SMG9: variants seen among roughly 807,000 people sequenced by gnomAD.
SMG9 encodes the protein nonsense-mediated mRNA decay factor SMG9.
Under a neutral mutation model 64.0 loss-of-function variants are expected in SMG9, and 55 were observed. The observed-to-expected ratio is 0.86, with a 90% CI of 0.69 to 1.08. SMG9 has a LOEUF of 1.08. Ranked by LOEUF, SMG9 falls within the 50% of genes least tolerant of loss-of-function variation. SMG9 has a pLI of 0.00. For synonymous variants in SMG9, 244 were observed against 254.8 expected (o/e 0.96, Z 0.41); for missense variants, 554 against 681.3 (o/e 0.81, Z 2.08).
rs756847841 is a variant in SMG9, at chr19:43,744,843, C to G, written c.630G>C (p.Leu210=). 1 of 1,613,834 alleles carries G rather than the reference C, an allele frequency of 6.2e-7. No homozygotes were observed. The highest frequency in any genetic ancestry group is 8.5e-7 in the Non-Finnish European group (1 of 1,179,922). The change falls in exon 6 of 14, where the codon CTG becomes CTC. Residue 210 remains leucine (L), a synonymous_variant. Transcript: ENST00000270066. The stretch of plus-strand genomic sequence containing the variant: ...TGGACTTGCCTGTCCCCTGGAGGCC[C>G]AGGACACCAACCACCAACACATCAG... ...DQTDVLVVGV[L]GLQGTGKSMV... is the part of the protein sequence containing the mutation.
chr19:43,734,604 G>A, intron 9 of SMG9, 109 bp from the exon 10 acceptor site: 1 of 679,930 alleles, frequency 1.5e-6, no homozygotes, highest in Admixed American at 2.6e-5. Context: ...GCCATGCTCA[G>A]AAAAATACCA....
Position 43,732,900 on chromosome 19 carries a change from G to A in SMG9, c.1442C>T (p.Ala481Val), listed in dbSNP as rs763529631. ...SKLRSQVMSM[A>V]RPQLSHTILT... is the part of the protein sequence containing the mutation. ...GATCGTGTGTGACAGCTGTGGCCGG[G>A]CCATGGACATCACTTGGCTCCGGAG... Residue 481 changes from alanine to valine, a missense_variant, in exon 13 of 14, where the codon GCC becomes GTC. Ala to Val is a moderately conservative substitution (Grantham distance 64). Coordinates refer to ENST00000270066, the MANE Select transcript of SMG9 (RefSeq NM_019108.4). The A allele has an allele frequency of 6.2e-7, 1 of 1,614,000 alleles. No individual in the cohort carries two copies. Among genetic ancestry groups the A allele is most frequent in the Non-Finnish European group, 8.5e-7 (1 of 1,180,008 alleles).
chr19:43,733,749 G>T lies in SMG9; in HGVS notation c.1103-16C>A. The T allele has an allele frequency of 6.2e-7, 1 of 1,606,408 alleles. No individual in the cohort carries two copies. Among genetic ancestry groups the T allele is most frequent in the Non-Finnish European group, 8.5e-7 (1 of 1,173,388 alleles). On this transcript the variant is annotated splice_polypyrimidine_tract_variant and intron_variant, in intron 10 of 13. Coordinates refer to ENST00000270066, the MANE Select transcript of SMG9 (RefSeq NM_019108.4). ...TGCAAGAAGACTGAGGGTGGGAAGA[G>T]ACGGGCCCTGTCAGGCAGACATCGC...
At position 43,731,001 on chromosome 19, in the gene SMG9, G is replaced by T; in HGVS notation, c.*595C>A. The T allele has an allele frequency of 4.2e-6, 2 of 474,360 alleles. No individual in the cohort carries two copies. Among genetic ancestry groups the T allele is most frequent in the Non-Finnish European group, 5.5e-6 (2 of 362,858 alleles). 29.4% of individuals were successfully genotyped at this position (474,360 alleles called of 1,614,324 possible). On this transcript the variant is annotated 3_prime_UTR_variant, in exon 14 of 14. Transcript: ENST00000270066. Reference sequence around the variant, plus strand: ...CCCATCCAAAACATACACAGGGGAGGCTTGATGCCACCCCAGGAAACAGAA... The same window carrying T: ...CCCATCCAAAACATACACAGGGGAGTCTTGATGCCACCCCAGGAAACAGAA...
At position 43,729,149 on chromosome 19, in the gene SMG9, A is replaced by G. The variant is rs947183299; in HGVS notation, c.*2447T>C. On this transcript the variant is annotated 3_prime_UTR_variant, in exon 14 of 14. Coordinates refer to ENST00000270066, the MANE Select transcript of SMG9 (RefSeq NM_019108.4). ...CTCTGTCAAACTGCCTCAACGAGCC[A>G]GCCCCTGCACAAAACCCTGGAGGTG... 1 of 516,172 alleles carries G rather than the reference A, an allele frequency of 1.9e-6. No homozygotes were observed. The highest frequency in any genetic ancestry group is 2.5e-6 in the Non-Finnish European group (1 of 401,494). The allele number at this position is 516,172 out of a possible 1,614,324, so 32.0% of individuals were successfully genotyped here.
chr19:43,738,336 T>C, intron 7 of SMG9, 119 bp from the exon 8 acceptor site: 1 of 815,754 alleles, frequency 1.2e-6, no homozygotes, highest in East Asian at 2.6e-5. Context: ...CAATTTCTAA[T>C]TAGAACAGCA....
chr19:43,731,113 T>C lies in SMG9; in HGVS notation c.*483A>G. 1 of 986,886 alleles carries C rather than the reference T, an allele frequency of 1.0e-6. No individual in the cohort carries two copies. Among genetic ancestry groups the C allele is most frequent in the African/African-American group, 1.7e-5 (1 of 57,412 alleles). 61.1% of individuals were successfully genotyped at this position (986,886 alleles called of 1,614,324 possible). A position where few individuals can be genotyped will look rare whatever the true frequency, so the allele number is the denominator to read the frequency against. On this transcript the variant is annotated 3_prime_UTR_variant, in exon 14 of 14. Coordinates refer to ENST00000270066, the MANE Select transcript of SMG9 (RefSeq NM_019108.4). The stretch of plus-strand genomic sequence containing the variant: ...TCCAATTTGTCCTGCTTCCCAGAGC[T>C]GCATGGTGGGTAGAGGAGTAAGTGG...
chr19:43,752,868 C>A, intron 1 of SMG9, among the ~76,000 whole-genome samples: 1 of 140,190 alleles, frequency 7.1e-6, no homozygotes, highest in African/African-American at 2.8e-5. Flanking sequence ...TGCACCACTG[C>A]ACTCTAGCCT....
intron 8 of SMG9, 47 bp downstream of exon 8, chr19:43,738,075 G>T: frequency 6.5e-7 from 1 of 1,540,156 alleles, no homozygotes; most frequent in South Asian, 1.1e-5. Flanking sequence ...GGAGGATGGG[G>T]GTGGGGATGT....
Position 43,744,938 on chromosome 19 carries a change from A to G in SMG9, c.589-54T>C, listed in dbSNP as rs1313987132. On this transcript the variant is annotated intron_variant, in intron 5 of 13. Transcript: ENST00000270066. ...CAAGTCTGTCAGCTGCTGGAGCTGG[A>G]ATGAGGGGGGGACTCCAGAGACCCT... The G allele has an allele frequency of 3.6e-5, 50 of 1,403,688 alleles. No individual in the cohort carries two copies. In the Admixed American group the frequency reaches 8.9e-4, roughly 25 times the overall value. The allele number at this position is 1,403,688 out of a possible 1,614,324, so 87.0% of individuals were successfully genotyped here.
intron 6 of SMG9, among the ~76,000 whole-genome samples, chr19:43,743,668 C>A (rs1236623031): frequency 6.6e-6 from 1 of 152,062 alleles, no homozygotes; most frequent in Non-Finnish European, 1.5e-5. Context: ...TGGTGGCATG[C>A]CCCTGTAGTC....
chr19:43,740,760 G>A (rs1968822345), intron 6 of SMG9, among the ~76,000 whole-genome samples: 1 of 152,050 alleles, frequency 6.6e-6, no homozygotes, highest in East Asian at 1.9e-4. Flanking sequence ...CACAGTGAGA[G>A]AGAGTTTGGG....
chr19:43,749,323 A>G (rs1969123276), intron 2 of SMG9, among the ~76,000 whole-genome samples: 1 of 152,192 alleles, frequency 6.6e-6, no homozygotes, highest in Non-Finnish European at 1.5e-5. Flanking sequence ...AAATGGGAAG[A>G]GGAAAAATGG....
chr19:43,745,019 C>A, intron 5 of SMG9, 135 bp from the exon 6 acceptor site: 2 of 580,612 alleles, frequency 3.4e-6, no homozygotes, highest in South Asian at 4.3e-5. Flanking sequence ...TAGTCCCAAC[C>A]CCTTCAACTA....
chr19:43,737,634 C>T lies in SMG9; in HGVS notation c.958G>A (p.Val320Ile), dbSNP rs764958013. 6.2e-7 allele frequency: 1 copy of T among 1,614,044 alleles called. No homozygotes were observed. Among genetic ancestry groups the T allele is most frequent in the South Asian group, 1.1e-5 (1 of 91,064 alleles). The change falls in exon 9 of 14, where the codon GTT becomes ATT. Residue 320 changes from valine (V) to isoleucine (I), a missense_variant. By Grantham distance (29) the Val-to-Ile change is conservative. Coordinates refer to ENST00000270066, the MANE Select transcript of SMG9 (RefSeq NM_019108.4). ...AGGTCTGTGAACCAGTCCTGGACAA[C>T]AATCACCACATGGCAGACCGTGAAA... ...FLFTVCHVVI[V>I]VQDWFTDLSL...
Position 43,734,407 on chromosome 19 carries a change from C to T in SMG9, c.1084G>A (p.Glu362Lys), listed in dbSNP as rs141753828. The T allele has an allele frequency of 1.5e-5, 23 of 1,555,772 alleles. No homozygotes were observed. The highest frequency in any genetic ancestry group is 4.8e-5 in the East Asian group (2 of 41,504). Residue 362 changes from glutamate to lysine, a missense_variant, in exon 10 of 14, where the codon GAG becomes AAG. Coordinates refer to ENST00000270066, the MANE Select transcript of SMG9 (RefSeq NM_019108.4). ...CTCTCACCTAGGTGGGGGTAGTACT[C>T]GGTGCCTTCATCGGAGCCCGATGAG... ...SSSSGSDEGT[E>K]YYPHLVFLQN...
At chr19:43,737,886 G>A (rs1402357566) in intron 8 of SMG9, 5 of 654,144 alleles carry the variant, frequency 7.6e-6, no homozygotes, top group Non-Finnish European at 1.3e-5. Context: ...ATTTTACACA[G>A]GCAGATGCTG....
rs895199399 is a variant in SMG9, at chr19:43,733,672, G to A, written c.1164C>T (p.His388=). Residue 388 remains histidine, a synonymous_variant, in exon 11 of 14, where the codon CAC becomes CAT. Transcript: ENST00000270066. ...DFCPRKLRQM[H]LMIDQLMAHS... Reference sequence around the variant, plus strand: ...GGGCCATGAGCTGGTCAATCATCAGGTGCATCTGCCGCAGCTTCCGAGGAC... The same window carrying A: ...GGGCCATGAGCTGGTCAATCATCAGATGCATCTGCCGCAGCTTCCGAGGAC... 7 of 1,614,006 alleles carry A rather than the reference G, an allele frequency of 4.3e-6. No homozygotes were observed. The Admixed American group carries it at 5.0e-5, about 12-fold the overall frequency.
At chr19:43,750,874 G>T in intron 1 of SMG9, 127 bp from the exon 2 acceptor site, 1 of 828,930 alleles carries the variant, frequency 1.2e-6, no homozygotes, top group Non-Finnish European at 1.8e-6. Flanking sequence ...GCCCAGGCTG[G>T]AGTACAGTGG....
Sources: gnomAD v4.1 joint callset for allele counts (sites outside exome capture counted in the v4.1 genomes callset) on GRCh38, gnomAD v4.1.1 for gene constraint, MANE v1.5 for transcripts, NCBI Gene and HGNC (gene_info 2026-07-23, HGNC 2026-07-21) for gene names.